Variants in PCDH15 observed in about 807,000 individuals in gnomAD.
The protein encoded by PCDH15 is protocadherin-15.
A neutral mutation model predicts 178.5 loss-of-function variants in PCDH15; 129 were observed. The observed-to-expected ratio is 0.72, with a 90% CI of 0.63 to 0.84. The LOEUF (loss-of-function observed/expected upper bound fraction) is 0.84. PCDH15 is among the 40% of genes least tolerant of loss of function. The pLI is 0.00. For missense variants in PCDH15, 2,230 were observed against 2,099.9 expected (o/e 1.06, Z -1.21); for synonymous variants, 800 against 732.0 (o/e 1.09, Z -1.50).
At chr10:55,142,694 C>G (rs1436747348) in intron 2 of PCDH15, among the ~76,000 whole-genome samples, 1 of 150,770 alleles carries the variant, frequency 6.6e-6, no homozygotes, top group Non-Finnish European at 1.5e-5. Context: ...GAGAATATTT[C>G]CAAGCATTTT....
chr10:54,918,219 G>T (rs1837392925), intron 2 of PCDH15, among the ~76,000 whole-genome samples: 1 of 151,818 alleles, frequency 6.6e-6, no homozygotes. Flanking sequence ...AACTACCTTT[G>T]ATTGGAGGAT....
intron 2 of PCDH15, among the ~76,000 whole-genome samples, chr10:55,569,288 TCAAA>T (rs1564458693): frequency 6.6e-6 from 1 of 152,000 alleles, no homozygotes; most frequent in African/African-American, 2.4e-5. Context: ...TTCAAAAGTA[TCAAA>T]CAAGATGTGA....
At chr10:54,002,357 C>G (rs188862328) in intron 20 of PCDH15, among the ~76,000 whole-genome samples, 22 of 152,162 alleles carry the variant, frequency 1.4e-4, no homozygotes, top group Admixed American at 3.9e-4. Context: ...CTAACAGTTA[C>G]TCATAGAGCA....
intron 10 of PCDH15, among the ~76,000 whole-genome samples, chr10:54,207,457 C>T (rs921676237): frequency 1.3e-5 from 2 of 151,324 alleles, no homozygotes; most frequent in African/African-American, 2.4e-5. Flanking sequence ...TGCTCTTCGG[C>T]AATATTTTTG....
chr10:54,072,548 A>C (rs1590238848), intron 17 of PCDH15, among the ~76,000 whole-genome samples: 1 of 152,214 alleles, frequency 6.6e-6, no homozygotes, highest in East Asian at 1.9e-4. Context: ...GAGACACAGA[A>C]GAGACATGAA....
intron 3 of PCDH15, among the ~76,000 whole-genome samples, chr10:54,441,867 G>T (rs1291425420): frequency 6.6e-6 from 1 of 151,732 alleles, no homozygotes; most frequent in East Asian, 1.9e-4. Context: ...AGTAACAGAA[G>T]AAGTTTAATT....
At chr10:53,815,747 T>C (rs2076038341) in intron 35 of PCDH15, among the ~76,000 whole-genome samples, 1 of 151,776 alleles carries the variant, frequency 6.6e-6, no homozygotes, top group Non-Finnish European at 1.5e-5. Flanking sequence ...ATATTTATTA[T>C]ACAAAAAATA....
intron 1 of PCDH15, chr10:55,247,693 T>C (rs7072400): frequency 0.58 from 87,949 of 151,244 alleles, 25,597 homozygotes; most frequent in East Asian, 0.68. Context: ...CCGAAGCAGG[T>C]GATCACTTGA....
chr10:54,469,976 G>A (rs2136661449), intron 3 of PCDH15, among the ~76,000 whole-genome samples: 2 of 152,268 alleles, frequency 1.3e-5, no homozygotes, highest in South Asian at 4.1e-4. Flanking sequence ...TAATAGTGTA[G>A]GTGGGGCAGG....
At chr10:54,307,413 G>T (rs1247258322) in intron 8 of PCDH15, among the ~76,000 whole-genome samples, 1 of 151,390 alleles carries the variant, frequency 6.6e-6, no homozygotes, top group Non-Finnish European at 1.5e-5. Context: ...TTTACCTAGA[G>T]GGGAAACTCT....
chr10:53,953,089 C>T (rs1364688042), intron 23 of PCDH15, among the ~76,000 whole-genome samples: 1 of 152,262 alleles, frequency 6.6e-6, no homozygotes, highest in Non-Finnish European at 1.5e-5. Flanking sequence ...CTGTTCTCAG[C>T]TCTCACTGAC....
In PCDH15 at chr10:54,641,250, G is replaced by A. The variant is rs186590373; in HGVS notation, c.91+22922C>T. On this transcript the variant is annotated intron_variant, in intron 2 of 37. Transcript: ENST00000644397. ...GCATTTGTTTTCATGAAGAATCCAA[G>A]AAATGCACAAAATAATCACTTCTAT... Among the ~76,000 whole-genome samples, 385 of 152,184 alleles carry A rather than the reference G, an allele frequency of 2.5e-3. 1 individual carries two copies. Among genetic ancestry groups the A allele is most frequent in the Non-Finnish European group, 4.3e-3 (293 of 67,994 alleles).
At chr10:54,547,382 T>C (rs2085980272) in intron 2 of PCDH15, among the ~76,000 whole-genome samples, 1 of 152,140 alleles carries the variant, frequency 6.6e-6, no homozygotes, top group Non-Finnish European at 1.5e-5. Flanking sequence ...TCTGATATAT[T>C]TGTAGAGCTT....
At chr10:54,523,212 A>G (rs1448703671) in intron 3 of PCDH15, among the ~76,000 whole-genome samples, 1 of 152,182 alleles carries the variant, frequency 6.6e-6, no homozygotes, top group Non-Finnish European at 1.5e-5. Flanking sequence ...CAAAATCTTG[A>G]TTCTTGACAT....
In PCDH15 at chr10:53,866,869, G is replaced by T; in HGVS notation, c.3502-12C>A. ...TCTTTATCAGTAGCCTAGACGGAGG[G>T]GAAAAAAAAAGAGATTATAATTAAG... On this transcript the variant is annotated splice_polypyrimidine_tract_variant and intron_variant, in intron 26 of 37. Transcript: ENST00000644397. 1.3e-6 allele frequency: 2 copies of T among 1,540,452 alleles called. No homozygotes were observed. The highest frequency in any genetic ancestry group is 8.9e-7 in the Non-Finnish European group (1 of 1,129,596).
At chr10:54,920,564 T>C (rs958257454) in intron 2 of PCDH15, among the ~76,000 whole-genome samples, 2 of 151,596 alleles carry the variant, frequency 1.3e-5, no homozygotes, top group East Asian at 1.9e-4. Context: ...AAGCATTTTA[T>C]ACAAATTAGC....
At chr10:54,339,554 A>C (rs1023942444) in intron 6 of PCDH15, among the ~76,000 whole-genome samples, 1 of 152,194 alleles carries the variant, frequency 6.6e-6, no homozygotes, top group African/African-American at 2.4e-5. Flanking sequence ...CCAAATGAGA[A>C]AATGAACTTA....
chr10:54,218,892 G>A (rs1224043126), intron 9 of PCDH15, among the ~76,000 whole-genome samples: 2 of 152,010 alleles, frequency 1.3e-5, no homozygotes, highest in Non-Finnish European at 2.9e-5. Flanking sequence ...TAAACAACTT[G>A]ACTTCTCAAT....
intron 1 of PCDH15, among the ~76,000 whole-genome samples, chr10:54,721,898 C>G (rs56774981): frequency 4.0e-5 from 6 of 151,612 alleles, no homozygotes; most frequent in Non-Finnish European, 8.9e-5. Context: ...ATAACAAAAT[C>G]GAGCGAGGCG....
Sources: allele counts gnomAD v4.1 joint callset (sites outside exome capture counted in the v4.1 genomes callset), GRCh38; gene constraint gnomAD v4.1.1; transcripts MANE v1.5; gene names NCBI Gene and HGNC (gene_info 2026-07-23, HGNC 2026-07-21).